Variants in THEM4 observed in about 807,000 individuals in gnomAD.
THEM4 encodes thioesterase superfamily member 4.
In THEM4, 22 loss-of-function variants were observed where a neutral mutation model predicts 25.0. The observed-to-expected ratio is 0.88, with a 90% CI of 0.63 to 1.26. The LOEUF (loss-of-function observed/expected upper bound fraction) is 1.26. Among genes scored for constraint, THEM4 ranks in the 50% most tolerant of loss-of-function variants. The pLI is 0.00. For synonymous variants in THEM4, 113 were observed against 105.6 expected, an observed-to-expected ratio of 1.07 and a Z score of -0.43; for missense variants, 286 against 300.3, an observed-to-expected ratio of 0.95 and a Z score of 0.35.
chr1:151,908,832 C>G lies in THEM4; in HGVS notation c.99+528G>C, dbSNP rs114419458. ...GAATTAAAAGCAGATAGATCCCTCT[C>G]CCTGTGATGAAAGATCTTATGGCAA... On this transcript the variant is annotated intron_variant, in intron 1 of 5. Transcript: ENST00000368814. Among the ~76,000 whole-genome samples, 448 of 152,270 alleles carry G rather than the reference C, an allele frequency of 2.9e-3. 1 individual carries two copies. The highest frequency in any genetic ancestry group is 0.01 in the African/African-American group (428 of 41,544).
At chr1:151,895,280 G>T in intron 1 of THEM4, 86 bp from the exon 2 acceptor site, 2 of 1,187,288 alleles carry the variant, frequency 1.7e-6, no homozygotes, top group South Asian at 2.9e-5. Flanking sequence ...AGATTATCTT[G>T]CTGCTTTTCT....
At chr1:151,891,430 C>T (rs1374285183) in intron 2 of THEM4, 2 of 152,110 alleles carry the variant, frequency 1.3e-5, no homozygotes, top group Non-Finnish European at 2.9e-5. Context: ...TATGTGAAAG[C>T]CAGTTCAAAG....
intron 4 of THEM4, among the ~76,000 whole-genome samples, chr1:151,879,401 T>C (rs1220511136): frequency 6.6e-6 from 1 of 152,046 alleles, no homozygotes; most frequent in African/African-American, 2.4e-5. Flanking sequence ...TATAGATTTT[T>C]TTTAAAAAGT....
chr1:151,890,147 C>T (rs536963833), intron 2 of THEM4: 14 of 450,420 alleles, frequency 3.1e-5, no homozygotes, highest in South Asian at 4.7e-5. Context: ...CTCAGGGATC[C>T]GCCTGCCTTG....
intron 5 of THEM4, among the ~76,000 whole-genome samples, 166 bp downstream of exon 5, chr1:151,876,835 A>G (rs1167559198): frequency 1.3e-5 from 2 of 152,110 alleles, no homozygotes; most frequent in African/African-American, 4.8e-5. Flanking sequence ...CAGGGAATTA[A>G]GAATTTTTTG....
Position 151,879,722 on chromosome 1 carries a change from T to C in THEM4, c.558-2597A>G, listed in dbSNP as rs372772909. Among the ~76,000 whole-genome samples the C allele has an allele frequency of 6.6e-5, 10 of 151,326 alleles. 1 individual carries two copies. Among genetic ancestry groups the C allele is most frequent in the African/African-American group, 2.4e-4 (10 of 41,192 alleles). The stretch of plus-strand genomic sequence containing the variant: ...CCCAGGTTGGAGTGCAGTGGCGCGA[T>C]CTTGGTTCACTGCAACCTCCGCCTC... On this transcript the variant is annotated intron_variant, in intron 4 of 5. Coordinates refer to ENST00000368814, the MANE Select transcript of THEM4 (RefSeq NM_053055.5).
intron 4 of THEM4, among the ~76,000 whole-genome samples, chr1:151,879,459 T>C (rs1653760608): frequency 6.6e-6 from 1 of 152,034 alleles, no homozygotes; most frequent in African/African-American, 2.4e-5. Context: ...GAACATTGGC[T>C]TGTAAGGTTC....
intron 5 of THEM4, among the ~76,000 whole-genome samples, chr1:151,875,312 C>T (rs1653648537): frequency 6.6e-6 from 1 of 152,092 alleles, no homozygotes; most frequent in Non-Finnish European, 1.5e-5. Context: ...TTATTATCTT[C>T]CACCTGCTCC....
At chr1:151,883,932 G>A (rs113021507) in intron 4 of THEM4, among the ~76,000 whole-genome samples, 3,763 of 151,910 alleles carry the variant, frequency 0.025, 49 homozygotes, top group African/African-American at 0.03. Context: ...AAAATTAGCC[G>A]GGTATGGTGG....
intron 1 of THEM4, among the ~76,000 whole-genome samples, 164 bp downstream of exon 1, chr1:151,909,196 C>T (rs1180961536): frequency 6.6e-6 from 1 of 152,212 alleles, no homozygotes; most frequent in Non-Finnish European, 1.5e-5. Flanking sequence ...AATCTCAGGA[C>T]TGTATTCCTA....
chr1:151,887,618 TTG>T (rs369505174), intron 4 of THEM4, among the ~76,000 whole-genome samples: 10 of 150,860 alleles, frequency 6.6e-5, no homozygotes, highest in East Asian at 1.9e-4. Context: ...ACTCGGTGTT[TTG>T]TGTGTGTGTG....
chr1:151,885,083 T>TTTTA lies in THEM4; in HGVS notation c.557+3186_557+3189dup, dbSNP rs146473655. Among the ~76,000 whole-genome samples the TTTTA allele has an allele frequency of 4.3e-3, 621 of 145,602 alleles. 3 individuals carry two copies. The highest frequency in any genetic ancestry group is 0.014 in the East Asian group (70 of 4,986). On this transcript the variant is annotated intron_variant, in intron 4 of 5. Coordinates refer to ENST00000368814, the MANE Select transcript of THEM4 (RefSeq NM_053055.5). The stretch of plus-strand genomic sequence containing the variant: ...TGTTTTCTCTTTTTGTGATTTCATC[T>TTTTA]TTTATTTATTTATTTATTTATTTAT...
chr1:151,894,955 T>C, intron 2 of THEM4, 53 bp downstream of exon 2: 1 of 1,571,300 alleles, frequency 6.4e-7, no homozygotes, highest in Non-Finnish European at 8.8e-7. Flanking sequence ...CAATCTGTTC[T>C]TAGCTTTATA....
rs78345195 is a variant in THEM4 at position 151,873,049 on chromosome 1, C to T, written c.*1839G>A. On this transcript the variant is annotated 3_prime_UTR_variant, in exon 6 of 6. Coordinates refer to ENST00000368814, the MANE Select transcript of THEM4 (RefSeq NM_053055.5). ...TTGGTGTAAAACCCGATCCTATGTT[C>T]GTTCCATTCTGAGATAGGAGAAAAC... Among the ~76,000 whole-genome samples, 4,618 of 152,220 alleles carry T rather than the reference C, an allele frequency of 0.03. 232 individuals are homozygous for T. Among genetic ancestry groups the T allele is most frequent in the African/African-American group, 0.1 (4,327 of 41,510 alleles).
At chr1:151,883,359 C>T (rs541861495) in intron 4 of THEM4, among the ~76,000 whole-genome samples, 172 of 152,164 alleles carry the variant, frequency 1.1e-3, no homozygotes, top group African/African-American at 3.7e-3. Flanking sequence ...AGGTGATCCA[C>T]TCACCTTGGC....
chr1:151,905,175 AC>A lies in THEM4; in HGVS notation c.99+4184del, dbSNP rs545302344. Reference sequence around the variant, plus strand: ...CCAGAGAACCTCCCACCAGCCTTTGACTGGGAGAACAGGGTGGAGCCACAGA... The same window carrying A: ...CCAGAGAACCTCCCACCAGCCTTTGATGGGAGAACAGGGTGGAGCCACAGA... On this transcript the variant is annotated intron_variant, in intron 1 of 5. Transcript: ENST00000368814. Among the ~76,000 whole-genome samples the A allele has an allele frequency of 4.0e-4, 61 of 152,290 alleles. 1 individual carries two copies. The highest frequency in any genetic ancestry group is 1.3e-3 in the African/African-American group (56 of 41,556).
chr1:151,878,888 C>CCACACACACACACACACACA (rs1558188262), intron 4 of THEM4, among the ~76,000 whole-genome samples: 1 of 13,634 alleles, frequency 7.3e-5, no homozygotes, highest in African/African-American at 2.5e-4. Flanking sequence ...TTGTATATGT[C>CCACACACACACACACACACA]TATACACACA....
At chr1:151,884,171 C>T (rs1239996629) in intron 4 of THEM4, among the ~76,000 whole-genome samples, 4 of 151,724 alleles carry the variant, frequency 2.6e-5, no homozygotes, top group Non-Finnish European at 2.9e-5. Context: ...CACAGTGCCA[C>T]AAGATTATTA....
In THEM4 at chr1:151,874,373, T is replaced by G. The variant is rs3180671; in HGVS notation, c.*515A>C. The G allele has an allele frequency of 9.9e-3, 1,473 of 148,662 alleles. 32 individuals are homozygous for G. Among genetic ancestry groups the G allele is most frequent in the African/African-American group, 0.034 (1,389 of 40,816 alleles). The allele number at this position is 148,662 out of a possible 1,614,324, so 9.2% of individuals were successfully genotyped here. ...TCCTAAGGAGACAAGAGTTTTTTTT[T>G]TTTGTTTGTTTGTTTGTTTGAGATG... On this transcript the variant is annotated 3_prime_UTR_variant, in exon 6 of 6. Coordinates refer to ENST00000368814, the MANE Select transcript of THEM4 (RefSeq NM_053055.5).
Sources: gnomAD v4.1 joint callset for allele counts (sites outside exome capture counted in the v4.1 genomes callset) on GRCh38, gnomAD v4.1.1 for gene constraint, MANE v1.5 for transcripts, NCBI Gene and HGNC (gene_info 2026-07-23, HGNC 2026-07-21) for gene names.